The following CDKAL1 variants were observed in gnomAD, a reference collection of about 807,000 sequenced individuals.
CDKAL1 encodes CDKAL1 threonylcarbamoyladenosine tRNA methylthiotransferase, also known as threonylcarbamoyladenosine tRNA methylthiotransferase.
A neutral mutation model predicts 68.2 loss-of-function variants in CDKAL1; 32 were observed. The ratio of observed to expected loss-of-function variants is 0.47; its 90% CI spans 0.35 to 0.63. CDKAL1 has a LOEUF of 0.63. CDKAL1 is among the 30% of genes least tolerant of loss of function. CDKAL1 has a pLI of 0.00. For synonymous variants in CDKAL1, 234 were observed against 244.3 expected, an observed-to-expected ratio of 0.96 and a Z score of 0.39; for missense variants, 606 against 696.7, an observed-to-expected ratio of 0.87 and a Z score of 1.47.
At chr6:20,663,242 C>A (rs75395317) in intron 5 of CDKAL1, among the ~76,000 whole-genome samples, 1 of 137,060 alleles carries the variant, frequency 7.3e-6, no homozygotes, top group Non-Finnish European at 1.6e-5. Flanking sequence ...GTTTTTTTTT[C>A]TTTTGTTTTT....
intron 6 of CDKAL1, among the ~76,000 whole-genome samples, chr6:20,744,050 G>C (rs1246181939): frequency 6.6e-6 from 1 of 152,064 alleles, no homozygotes; most frequent in African/African-American, 2.4e-5. Flanking sequence ...TTACCTTACA[G>C]TTAAAAATTC....
chr6:20,780,003 C>A (rs1012911417), intron 7 of CDKAL1, among the ~76,000 whole-genome samples: 5 of 150,500 alleles, frequency 3.3e-5, no homozygotes, highest in Non-Finnish European at 4.4e-5. Flanking sequence ...AATCCCAGCA[C>A]TTTGGGAGGC....
In CDKAL1 at chr6:21,094,369, A is replaced by G. The variant is rs1295069827; in HGVS notation, c.1237-14032A>G. Among the ~76,000 whole-genome samples the G allele has an allele frequency of 2.0e-5, 3 of 152,248 alleles. No homozygotes were observed. The East Asian group carries it at 5.8e-4, about 29-fold the overall frequency. On this transcript the variant is annotated intron_variant, in intron 12 of 15. Transcript: ENST00000274695. ...CAGAAATGGGAAAGGGAAGCTGGGAAGCTATGTGGAGCTGGTTGGTTCTTA... is the reference window on the plus strand; with the variant it reads ...CAGAAATGGGAAAGGGAAGCTGGGAGGCTATGTGGAGCTGGTTGGTTCTTA...
intron 6 of CDKAL1, among the ~76,000 whole-genome samples, chr6:20,744,052 T>G (rs777148515): frequency 3.9e-5 from 6 of 152,208 alleles, no homozygotes; most frequent in Non-Finnish European, 8.8e-5. Context: ...ACCTTACAGT[T>G]AAAAATTCCC....
chr6:21,143,056 C>T (rs1323725942), intron 13 of CDKAL1, among the ~76,000 whole-genome samples: 2 of 152,180 alleles, frequency 1.3e-5, no homozygotes, highest in Non-Finnish European at 2.9e-5. Context: ...ATGATCTATG[C>T]AGCATGTAGC....
chr6:20,602,846 A>G (rs936166636), intron 4 of CDKAL1, among the ~76,000 whole-genome samples: 1 of 152,094 alleles, frequency 6.6e-6, no homozygotes, highest in African/African-American at 2.4e-5. Flanking sequence ...CCTTTTAACC[A>G]TATTCATTGT....
intron 9 of CDKAL1, among the ~76,000 whole-genome samples, chr6:20,862,877 A>G (rs1376806915): frequency 6.6e-6 from 1 of 152,104 alleles, no homozygotes; most frequent in Non-Finnish European, 1.5e-5. Context: ...AAATACAAAA[A>G]TTAGCTAGGT....
intron 11 of CDKAL1, among the ~76,000 whole-genome samples, chr6:21,049,184 A>T (rs1770408806): frequency 6.6e-6 from 1 of 152,188 alleles, no homozygotes. Flanking sequence ...TCTCAAACTT[A>T]AATTTCCACT....
intron 5 of CDKAL1, among the ~76,000 whole-genome samples, chr6:20,694,731 G>C (rs1032450168): frequency 6.6e-6 from 1 of 152,160 alleles, no homozygotes; most frequent in African/African-American, 2.4e-5. Flanking sequence ...AGTCCCTGCT[G>C]TTGTTTGAAT....
intron 15 of CDKAL1, among the ~76,000 whole-genome samples, chr6:21,216,309 G>A (rs568169949): frequency 6.6e-6 from 1 of 152,260 alleles, no homozygotes; most frequent in Admixed American, 6.5e-5. Context: ...ATGAGAAGGT[G>A]TATATTGGCA....
chr6:20,880,835 A>G (rs1426845722), intron 9 of CDKAL1, among the ~76,000 whole-genome samples: 1 of 152,184 alleles, frequency 6.6e-6, no homozygotes, highest in East Asian at 1.9e-4. Context: ...ATTTCTTATT[A>G]TTGGTTCATG....
At chr6:20,615,812 T>G (rs1316892476) in intron 4 of CDKAL1, among the ~76,000 whole-genome samples, 1 of 128,188 alleles carries the variant, frequency 7.8e-6, no homozygotes, top group Non-Finnish European at 1.7e-5. Context: ...ATTTTGGCTT[T>G]TGTTGCCATT....
chr6:20,614,399 A>G (rs1766787803), intron 4 of CDKAL1, among the ~76,000 whole-genome samples: 1 of 152,138 alleles, frequency 6.6e-6, no homozygotes, highest in Non-Finnish European at 1.5e-5. Context: ...TTTATGCATC[A>G]TTGATGGTTC....
intron 10 of CDKAL1, among the ~76,000 whole-genome samples, chr6:20,959,196 G>A (rs569493368): frequency 3.9e-5 from 6 of 152,236 alleles, no homozygotes; most frequent in African/African-American, 1.2e-4. Context: ...TGAAGTGTGT[G>A]TTTGGGACAT....
intron 2 of CDKAL1, among the ~76,000 whole-genome samples, chr6:20,542,122 G>C (rs1763414350): frequency 6.6e-6 from 1 of 152,204 alleles, no homozygotes; most frequent in African/African-American, 2.4e-5. Context: ...TGCATAATTT[G>C]TCATAGCTGT....
At chr6:21,190,556 G>A (rs926309186) in intron 13 of CDKAL1, among the ~76,000 whole-genome samples, 3 of 152,086 alleles carry the variant, frequency 2.0e-5, no homozygotes, top group African/African-American at 7.2e-5. Context: ...TTGTAGAGAT[G>A]GAGTTTCATC....
intron 11 of CDKAL1, among the ~76,000 whole-genome samples, chr6:21,027,953 C>T (rs554879191): frequency 6.6e-4 from 100 of 152,118 alleles, no homozygotes; most frequent in Non-Finnish European, 1.2e-3. Context: ...AGGTGGAGCT[C>T]ACTTGGCCCG....
At chr6:20,988,913 C>T (rs2150791565) in intron 10 of CDKAL1, among the ~76,000 whole-genome samples, 1 of 151,800 alleles carries the variant, frequency 6.6e-6, no homozygotes, top group Non-Finnish European at 1.5e-5. Context: ...CTGCCTCGGC[C>T]TCCCAAAATG....
intron 2 of CDKAL1, among the ~76,000 whole-genome samples, chr6:20,545,505 C>T (rs953037730): frequency 6.6e-6 from 1 of 152,006 alleles, no homozygotes; most frequent in African/African-American, 2.4e-5. Context: ...GGTGCACTCT[C>T]GACTCACTGC....
Sources: gnomAD v4.1 joint callset for allele counts (sites outside exome capture counted in the v4.1 genomes callset) on GRCh38, gnomAD v4.1.1 for gene constraint, MANE v1.5 for transcripts, NCBI Gene and HGNC (gene_info 2026-07-23, HGNC 2026-07-21) for gene names.